CNOT7: variants seen among roughly 807,000 people sequenced by gnomAD.
CNOT7 encodes CCR4-NOT transcription complex subunit 7.
In CNOT7, 4 loss-of-function variants were observed where a neutral mutation model predicts 37.1. That is an observed-to-expected ratio of 0.11 (90% CI 0.05 to 0.25). The LOEUF (loss-of-function observed/expected upper bound fraction) is 0.25, where lower values mean the gene tolerates loss of function less well. Among genes scored for constraint, CNOT7 ranks in the 10% least tolerant of loss-of-function variants. The pLI is 1.00. For missense variants in CNOT7, 170 were observed against 336.2 expected (o/e 0.51, Z 3.87); for synonymous variants, 128 against 115.6 (o/e 1.11, Z -0.69).
intron 1 of CNOT7, chr8:17,246,296 C>A (rs1373067398): frequency 6.6e-6 from 1 of 152,296 alleles, no homozygotes; most frequent in South Asian, 2.1e-4. Context: ...GGTATTCAAG[C>A]CATAGATAAC....
intron 1 of CNOT7, chr8:17,246,302 A>G (rs376849874): frequency 1.3e-5 from 2 of 152,278 alleles, no homozygotes; most frequent in East Asian, 1.9e-4. Flanking sequence ...CAAGCCATAG[A>G]TAACTCTCTT....
At chr8:17,233,039 A>T (rs958902551) in intron 5 of CNOT7, among the ~76,000 whole-genome samples, 9 of 152,236 alleles carry the variant, frequency 5.9e-5, no homozygotes, top group African/African-American at 2.2e-4. Context: ...TTCTTAGTTA[A>T]GACGAGTATA....
chr8:17,236,413 T>C (rs190231938), intron 4 of CNOT7, among the ~76,000 whole-genome samples: 1 of 152,334 alleles, frequency 6.6e-6, no homozygotes. Context: ...GGGAAAACTC[T>C]TTTTCATACC....
Position 17,243,150 on chromosome 8 carries a change from A to G in CNOT7, c.153T>C (p.Ile51=). ...TEFPGVVARP[I]GEFRSNADYQ... ...AGTCAGCATTGCTCCTGAATTCTCCAATGGGTCTTGCAACCACACCTGGAA... is the reference window on the plus strand; with the variant it reads ...AGTCAGCATTGCTCCTGAATTCTCCGATGGGTCTTGCAACCACACCTGGAA... The change falls in exon 3 of 7, where the codon ATT becomes ATC. Residue 51 remains isoleucine, a synonymous_variant. Coordinates refer to ENST00000361272, the MANE Select transcript of CNOT7 (RefSeq NM_013354.7). 6.2e-7 allele frequency: 1 copy of G among 1,606,928 alleles called. No individual in the cohort carries two copies. The highest frequency in any genetic ancestry group is 1.1e-5 in the South Asian group (1 of 88,840).
In CNOT7 at chr8:17,245,083, T is replaced by A. The variant is rs369445114; in HGVS notation, c.70A>T (p.Met24Leu). The A allele has an allele frequency of 8.7e-6, 14 of 1,613,686 alleles. No individual in the cohort carries two copies. Among genetic ancestry groups the A allele is most frequent in the Non-Finnish European group, 1.1e-5 (13 of 1,179,866 alleles). The change falls in exon 2 of 7, where the codon ATG becomes TTG. Residue 24 changes from methionine to leucine, a missense_variant. Around this residue, in one of 6 missense-constraint regions of CNOT7, gnomAD observed 38 missense variants for 36.9 expected, o/e 1.03. Coordinates refer to ENST00000361272, the MANE Select transcript of CNOT7 (RefSeq NM_013354.7). ...CGGATAACTTGACGAATTTTCTTCATCTCTTCATCCAAGTTGCAAGCCCAA... is the reference window on the plus strand; with the variant it reads ...CGGATAACTTGACGAATTTTCTTCAACTCTTCATCCAAGTTGCAAGCCCAA... ...EVWACNLDEEMKKIRQVIRKY... is the reference protein window; with the variant it reads ...EVWACNLDEELKKIRQVIRKY...
Position 17,228,012 on chromosome 8 carries a change from T to C in CNOT7, c.*2708A>G, listed in dbSNP as rs1407284803. 1.3e-5 allele frequency: 2 copies of C among 152,052 alleles called. No homozygotes were observed. Among genetic ancestry groups the C allele is most frequent in the African/African-American group, 2.4e-5 (1 of 41,548 alleles). The allele number at this position is 152,052 out of a possible 1,614,324, so 9.4% of individuals were successfully genotyped here. On this transcript the variant is annotated 3_prime_UTR_variant, in exon 7 of 7. Coordinates refer to ENST00000361272, the MANE Select transcript of CNOT7 (RefSeq NM_013354.7). Reference sequence around the variant, plus strand: ...TAGCAGCTACTCAACTTTCCCATTATAGCAAAAAAGTATCCATAGATAATA... The same window carrying C: ...TAGCAGCTACTCAACTTTCCCATTACAGCAAAAAAGTATCCATAGATAATA...
At position 17,226,459 on chromosome 8, in the gene CNOT7, C is replaced by T. The variant is rs1346263197; in HGVS notation, c.*4261G>A. On this transcript the variant is annotated 3_prime_UTR_variant, in exon 7 of 7. Transcript: ENST00000361272. ...TGTGATTTTAGTTAAGCATATTCAT[C>T]ACTTGTAAGGCATTTGTAGGATTCA... 6.6e-6 allele frequency: 1 copy of T among 151,708 alleles called. No individual in the cohort carries two copies. The highest frequency in any genetic ancestry group is 1.5e-5 in the Non-Finnish European group (1 of 67,700). 9.4% of individuals were successfully genotyped at this position (151,708 alleles called of 1,614,324 possible).
Position 17,238,769 on chromosome 8 carries a change from A to C in CNOT7, c.312-1396T>G, listed in dbSNP as rs1241750692. Among the ~76,000 whole-genome samples, 4 of 152,232 alleles carry C rather than the reference A, an allele frequency of 2.6e-5. No homozygotes were observed. The East Asian group carries it at 7.7e-4, about 29-fold the overall frequency. ...TAACACCCTTCACCTGTCTACTTGC[A>C]GCATATGGCTTCACCCCATACCTGC... On this transcript the variant is annotated intron_variant, in intron 3 of 6. Coordinates refer to ENST00000361272, the MANE Select transcript of CNOT7 (RefSeq NM_013354.7).
Position 17,227,013 on chromosome 8 carries a change from C to CA in CNOT7, c.*3706dup, listed in dbSNP as rs35618554. On this transcript the variant is annotated 3_prime_UTR_variant, in exon 7 of 7. Transcript: ENST00000361272. ...CAGGATATTCAGCTTCTGTTTCTCA[C>CA]AAAAAAAAAAAAATCATGGAACTGA... is the stretch of plus-strand genomic sequence containing the variant. 83,682 of 144,878 alleles carry CA rather than the reference C, an allele frequency of 0.58. 26,840 individuals carry two copies. The highest frequency in any genetic ancestry group is 0.74 in the Non-Finnish European group (49,214 of 66,160). 9.0% of individuals were successfully genotyped at this position (144,878 alleles called of 1,614,324 possible).
Position 17,226,960 on chromosome 8 carries a change from C to T in CNOT7, c.*3760G>A, listed in dbSNP as rs535222018. On this transcript the variant is annotated 3_prime_UTR_variant, in exon 7 of 7. Coordinates refer to ENST00000361272, the MANE Select transcript of CNOT7 (RefSeq NM_013354.7). ...AAATAAATCTTTAGCACTGCTAAGC[C>T]ATTGAACGCCTGTGTGGCAAATCAA... 2.6e-5 allele frequency: 4 copies of T among 151,332 alleles called. No homozygotes were observed. The South Asian group carries it at 6.3e-4, about 24-fold the overall frequency. The allele number at this position is 151,332 out of a possible 1,614,324, so 9.4% of individuals were successfully genotyped here.
intron 3 of CNOT7, among the ~76,000 whole-genome samples, chr8:17,241,020 G>T (rs1052571158): frequency 6.6e-6 from 1 of 152,188 alleles, no homozygotes; most frequent in Non-Finnish European, 1.5e-5. Flanking sequence ...TGGGCCAAGG[G>T]TTGGACAAGT....
At chr8:17,241,114 C>A (rs962555701) in intron 3 of CNOT7, among the ~76,000 whole-genome samples, 1 of 152,138 alleles carries the variant, frequency 6.6e-6, no homozygotes, top group East Asian at 1.9e-4. Flanking sequence ...GTTGCCCAGG[C>A]TGGAGTGCAG....
At chr8:17,241,680 G>T (rs1191934199) in intron 3 of CNOT7, 1 of 152,078 alleles carries the variant, frequency 6.6e-6, no homozygotes, top group African/African-American at 2.4e-5. Context: ...ATACAGTTAA[G>T]TACTCACTCA....
At position 17,244,858 on chromosome 8, in the gene CNOT7, A is replaced by T; in HGVS notation, c.117+178T>A. The stretch of plus-strand genomic sequence containing the variant: ...CTCACTGCAATGAGGGATAAACCCA[A>T]CCTGTCAAATCACAGGTGTATTCCT... On this transcript the variant is annotated intron_variant, in intron 2 of 6. Transcript: ENST00000361272. 7 of 569,764 alleles carry T rather than the reference A, an allele frequency of 1.2e-5. No homozygotes were observed. The East Asian group carries it at 2.1e-4, about 17-fold the overall frequency. 35.3% of individuals were successfully genotyped at this position (569,764 alleles called of 1,614,324 possible).
rs1049078196 is a variant in CNOT7 at position 17,228,334 on chromosome 8, A to G, written c.*2386T>C. 5 of 151,934 alleles carry G rather than the reference A, an allele frequency of 3.3e-5. No homozygotes were observed. The highest frequency in any genetic ancestry group is 1.9e-4 in the East Asian group (1 of 5,198). 9.4% of individuals were successfully genotyped at this position (151,934 alleles called of 1,614,324 possible). A position where few individuals can be genotyped will look rare whatever the true frequency, so the allele number is the denominator to read the frequency against. On this transcript the variant is annotated 3_prime_UTR_variant, in exon 7 of 7. Coordinates refer to ENST00000361272, the MANE Select transcript of CNOT7 (RefSeq NM_013354.7). ...TTACATCTGGAACCTAGACTTTACA[A>G]ACATTGAGACTGTCTGGAACAAAAT...
At position 17,237,429 on chromosome 8, in the gene CNOT7, GTTC is replaced by G. The variant is rs761764186; in HGVS notation, c.312-59_312-57del. On this transcript the variant is annotated intron_variant, in intron 3 of 6. Coordinates refer to ENST00000361272, the MANE Select transcript of CNOT7 (RefSeq NM_013354.7). The stretch of plus-strand genomic sequence containing the variant: ...AACATGCCATTACTTCAAACAAGCT[GTTC>G]TTCTGCTTACATCTATAACTACAGT... 1.4e-4 allele frequency: 215 copies of G among 1,536,354 alleles called. 1 individual carries two copies. In the East Asian group the frequency reaches 4.2e-3, roughly 30 times the overall value.
In CNOT7 at chr8:17,225,118, G is replaced by A. The variant is rs890983197; in HGVS notation, c.*5602C>T. 6.6e-6 allele frequency: 1 copy of A among 151,684 alleles called. No homozygotes were observed. Among genetic ancestry groups the A allele is most frequent in the Non-Finnish European group, 1.5e-5 (1 of 67,684 alleles). 9.4% of individuals were successfully genotyped at this position (151,684 alleles called of 1,614,324 possible). On this transcript the variant is annotated 3_prime_UTR_variant, in exon 7 of 7. Coordinates refer to ENST00000361272, the MANE Select transcript of CNOT7 (RefSeq NM_013354.7). ...TAAAAGCACTTAAAACCTATGACAT[G>A]GCTAGTAAGATGTAAAATATTAAGT...
At position 17,225,116 on chromosome 8, in the gene CNOT7, A is replaced by G. The variant is rs929768005; in HGVS notation, c.*5604T>C. On this transcript the variant is annotated 3_prime_UTR_variant, in exon 7 of 7. Transcript: ENST00000361272. ...ATTAAAAGCACTTAAAACCTATGAC[A>G]TGGCTAGTAAGATGTAAAATATTAA... 3.3e-5 allele frequency: 5 copies of G among 151,774 alleles called. No individual in the cohort carries two copies. The highest frequency in any genetic ancestry group is 3.2e-3 in the Middle Eastern group (1 of 316). 9.4% of individuals were successfully genotyped at this position (151,774 alleles called of 1,614,324 possible). A position where few individuals can be genotyped will look rare whatever the true frequency, so the allele number is the denominator to read the frequency against.
At chr8:17,244,614 G>C (rs1192467451) in intron 2 of CNOT7, 1 of 154,596 alleles carries the variant, frequency 6.5e-6, no homozygotes, top group Admixed American at 6.5e-5. Flanking sequence ...CTAAATGAAT[G>C]ACTGTTCCTT....
Sources: allele counts gnomAD v4.1 joint callset (sites outside exome capture counted in the v4.1 genomes callset), GRCh38; gene constraint gnomAD v4.1.1; regional missense constraint gnomAD v4.1.1; transcripts MANE v1.5; gene names NCBI Gene and HGNC (gene_info 2026-07-23, HGNC 2026-07-21).